FOXN3: variants seen among roughly 807,000 people sequenced by gnomAD.
FOXN3 encodes the protein forkhead box protein N3.
In FOXN3, 7 loss-of-function variants were observed where a neutral mutation model predicts 38.4. The ratio of observed to expected loss-of-function variants is 0.18; its 90% confidence interval spans 0.10 to 0.34. The LOEUF is 0.34. Among genes scored for constraint, FOXN3 ranks in the 10% least tolerant of loss-of-function variants. The pLI is 1.00. For missense variants in FOXN3, 456 were observed against 613.4 expected (o/e 0.74, Z 2.71); for synonymous variants, 230 against 242.2 (o/e 0.95, Z 0.47).
At position 89,222,414 on chromosome 14, in the gene FOXN3, C is replaced by A. The variant is rs142663414; in HGVS notation, c.746-41608G>T. On this transcript the variant is annotated intron_variant, in intron 4 of 5. Transcript: ENST00000557258. ...AAAGACGCTTACATATATTAAGATA[C>A]AAAAAAATGTAAATCCAGTCTAGTG... is the stretch of plus-strand genomic sequence containing the variant. Among the ~76,000 whole-genome samples, 205 of 152,156 alleles carry A rather than the reference C, an allele frequency of 1.3e-3. 2 individuals carry two copies. Among genetic ancestry groups the A allele is most frequent in the African/African-American group, 4.7e-3 (196 of 41,534 alleles).
intron 1 of FOXN3, among the ~76,000 whole-genome samples, chr14:89,538,481 G>A (rs1894731982): frequency 6.6e-6 from 1 of 152,130 alleles, no homozygotes; most frequent in South Asian, 2.1e-4. Context: ...TCTCTAGGGG[G>A]CTTCAGAAGA....
intron 1 of FOXN3, among the ~76,000 whole-genome samples, chr14:89,433,445 G>T (rs1209261164): frequency 1.3e-5 from 2 of 152,096 alleles, no homozygotes; most frequent in African/African-American, 4.8e-5. Flanking sequence ...TCGTGCCACT[G>T]CACTCCAGCC....
At chr14:89,214,367 T>C (rs1884196788) in intron 4 of FOXN3, among the ~76,000 whole-genome samples, 1 of 152,230 alleles carries the variant, frequency 6.6e-6, no homozygotes. Context: ...TGCACTCCCT[T>C]GGCTGGACAG....
At chr14:89,228,979 T>C (rs914005657) in intron 4 of FOXN3, among the ~76,000 whole-genome samples, 8 of 152,188 alleles carry the variant, frequency 5.3e-5, no homozygotes, top group Non-Finnish European at 1.0e-4. Context: ...GCATGCTGGC[T>C]GTAAAAACGG....
intron 2 of FOXN3, among the ~76,000 whole-genome samples, chr14:89,371,050 C>T (rs895884410): frequency 7.2e-5 from 11 of 152,184 alleles, no homozygotes; most frequent in African/African-American, 2.4e-4. Flanking sequence ...CTTGCTTATT[C>T]TTGAATGGTA....
At chr14:89,381,774 C>T (rs1890655529) in intron 2 of FOXN3, among the ~76,000 whole-genome samples, 2 of 151,464 alleles carry the variant, frequency 1.3e-5, no homozygotes, top group Non-Finnish European at 2.9e-5. Flanking sequence ...ATGGGAGGAT[C>T]TCTGGAGTCC....
At chr14:89,607,558 TA>T (rs754121458) in intron 1 of FOXN3, among the ~76,000 whole-genome samples, 2,486 of 121,992 alleles carry the variant, frequency 0.02, 96 homozygotes, top group Admixed American at 0.1. Flanking sequence ...GACCGTGTCT[TA>T]AAAAAAAAAA....
intron 1 of FOXN3, among the ~76,000 whole-genome samples, chr14:89,547,227 ATTTATTTATTTATTTAT>A (rs1248236265): frequency 2.1e-3 from 3 of 1,442 alleles, no homozygotes; most frequent in Non-Finnish European, 5.1e-3. Context: ...ACACTAGGTT[ATTTATTTATTTATTTAT>A]TTATTTATTT....
intron 1 of FOXN3, among the ~76,000 whole-genome samples, chr14:89,535,292 G>T (rs1321176414): frequency 6.6e-6 from 1 of 151,324 alleles, no homozygotes; most frequent in Non-Finnish European, 1.5e-5. Flanking sequence ...GAACACGGCA[G>T]TATTTATTTT....
At chr14:89,198,344 A>G (rs977997464) in intron 4 of FOXN3, among the ~76,000 whole-genome samples, 1 of 152,220 alleles carries the variant, frequency 6.6e-6, no homozygotes, top group African/African-American at 2.4e-5. Context: ...ACACTGTTTT[A>G]TATCAGGGAC....
At chr14:89,325,287 CACCACCAACACCAACACCACCACCACG>C (rs2139978331) in intron 3 of FOXN3, among the ~76,000 whole-genome samples, 1 of 142,460 alleles carries the variant, frequency 7.0e-6, no homozygotes, top group Non-Finnish European at 1.6e-5. Flanking sequence ...CCAACACCAA[CACCACCAACACCAACACCACCACCACG>C]ACCACCACCA....
At chr14:89,591,570 G>A (rs750338980) in intron 1 of FOXN3, among the ~76,000 whole-genome samples, 169 of 152,330 alleles carry the variant, frequency 1.1e-3, no homozygotes, top group Non-Finnish European at 1.8e-3. Flanking sequence ...ATTTCAATAT[G>A]AAAACGAAAT....
At position 89,550,987 on chromosome 14, in the gene FOXN3, C is replaced by A. The variant is rs1043668235; in HGVS notation, c.-15+68041G>T. Reference sequence around the variant, plus strand: ...CTTGTTGGAATAATGGTGGGACGCACACACGAATGTTTCTGGCTCGCCTTA... The same window carrying A: ...CTTGTTGGAATAATGGTGGGACGCAAACACGAATGTTTCTGGCTCGCCTTA... On this transcript the variant is annotated intron_variant, in intron 1 of 6. Transcript: ENST00000345097. Among the ~76,000 whole-genome samples the A allele has an allele frequency of 9.8e-5, 15 of 152,302 alleles. No individual in the cohort carries two copies. The East Asian group carries it at 2.9e-3, about 29-fold the overall frequency.
intron 2 of FOXN3, among the ~76,000 whole-genome samples, chr14:89,405,424 C>T (rs1355378650): frequency 2.0e-5 from 3 of 152,144 alleles, no homozygotes; most frequent in African/African-American, 4.8e-5. Context: ...ACGTGAGCCA[C>T]CACACCTGGG....
chr14:89,221,915 C>T (rs545376155), intron 4 of FOXN3, among the ~76,000 whole-genome samples: 2 of 152,094 alleles, frequency 1.3e-5, no homozygotes, highest in East Asian at 1.9e-4. Context: ...CTCCACCTCC[C>T]GGGTTCACGC....
intron 1 of FOXN3, among the ~76,000 whole-genome samples, chr14:89,609,775 G>C (rs1896353191): frequency 6.6e-6 from 1 of 152,126 alleles, no homozygotes; most frequent in South Asian, 2.1e-4. Context: ...AAGGTCACTC[G>C]TAGTTTTTTT....
intron 1 of FOXN3, among the ~76,000 whole-genome samples, chr14:89,561,086 C>T (rs1247781191): frequency 6.6e-6 from 1 of 152,176 alleles, no homozygotes; most frequent in African/African-American, 2.4e-5. Flanking sequence ...CCATGCAGCC[C>T]TGGAGAGGAA....
At position 89,545,938 on chromosome 14, in the gene FOXN3, C is replaced by T. The variant is rs117672055; in HGVS notation, c.-15+73090G>A. 2.9e-4 allele frequency among the ~76,000 whole-genome samples: 44 copies of T among 152,298 alleles called. No homozygotes were observed. In the East Asian group the frequency reaches 7.5e-3, roughly 26 times the overall value. ...ACAGTCATTCTTTGCCTATTACTTT[C>T]CTCTCTCCTACTAGGTATATGTGCC... On this transcript the variant is annotated intron_variant, in intron 1 of 6. Transcript: ENST00000345097.
rs553557808 is a variant in FOXN3 at position 89,551,216 on chromosome 14, T to G, written c.-15+67812A>C. On this transcript the variant is annotated intron_variant, in intron 1 of 6. Transcript: ENST00000345097. ...TAGTAAGCAGCAAGTGATAGGATGGTGAGGTGGAGGACAACATCCTTTACA... is the reference window on the plus strand; with the variant it reads ...TAGTAAGCAGCAAGTGATAGGATGGGGAGGTGGAGGACAACATCCTTTACA... Among the ~76,000 whole-genome samples, 8 of 152,280 alleles carry G rather than the reference T, an allele frequency of 5.3e-5. 1 individual carries two copies. The East Asian group carries it at 1.3e-3, about 26-fold the overall frequency.
Sources: gnomAD v4.1 joint callset for allele counts (sites outside exome capture counted in the v4.1 genomes callset) on GRCh38, gnomAD v4.1.1 for gene constraint, MANE v1.5 for transcripts, NCBI Gene and HGNC (gene_info 2026-07-23, HGNC 2026-07-21) for gene names.